The following BRD4 variants were observed in gnomAD, a reference collection of about 807,000 sequenced individuals.
BRD4 encodes bromodomain-containing protein 4.
In BRD4, 16 loss-of-function variants were observed where a neutral mutation model predicts 142.1. That is an observed-to-expected ratio of 0.11 (90% CI 0.08 to 0.17). The LOEUF is 0.17. Ranked by LOEUF, BRD4 falls within the 10% of genes least tolerant of loss-of-function variation. The pLI, the probability that BRD4 is intolerant of heterozygous loss-of-function variation, is 1.00. For synonymous variants in BRD4, 833 were observed against 707.5 expected (o/e 1.18, Z -2.82); for missense variants, 1,424 against 1,810.9 (o/e 0.79, Z 3.88).
At chr19:15,277,619 C>CAAAA (rs67961221) in intron 1 of BRD4, among the ~76,000 whole-genome samples, 29 of 96,016 alleles carry the variant, frequency 3.0e-4, no homozygotes, top group Non-Finnish European at 4.9e-4. Flanking sequence ...CTATCTCTAC[C>CAAAA]AAAAAAAAAA....
intron 2 of BRD4, among the ~76,000 whole-genome samples, chr19:15,270,959 C>T (rs753685897): frequency 4.1e-4 from 63 of 152,224 alleles, no homozygotes; most frequent in Non-Finnish European, 4.6e-4. Flanking sequence ...CTAATGAGGG[C>T]GACGTCAACA....
At chr19:15,269,097 C>T (rs568167445) in intron 2 of BRD4, 55 bp from the exon 3 acceptor site, 120 of 1,602,244 alleles carry the variant, frequency 7.5e-5, no homozygotes, top group Admixed American at 6.8e-4. Flanking sequence ...GCAGCACAAA[C>T]GCTGGGCTGG....
At chr19:15,295,843 C>T (rs1202408444) in intron 1 of BRD4, among the ~76,000 whole-genome samples, 7 of 152,172 alleles carry the variant, frequency 4.6e-5, no homozygotes, top group South Asian at 4.1e-4. Flanking sequence ...TAGTGGCACA[C>T]GCCTGTAATC....
intron 1 of BRD4, chr19:15,331,748 C>G (rs1459725093): frequency 6.6e-6 from 1 of 151,390 alleles, no homozygotes; most frequent in Admixed American, 6.6e-5. Flanking sequence ...CCGGCCCCGG[C>G]CCACGTGAGC....
At chr19:15,301,140 C>T (rs1340472445) in intron 1 of BRD4, among the ~76,000 whole-genome samples, 2 of 152,202 alleles carry the variant, frequency 1.3e-5, no homozygotes, top group Non-Finnish European at 2.9e-5. Context: ...AGTCAGATGA[C>T]TCTAATAAAC....
At chr19:15,250,392 A>C (rs2047331583) in intron 11 of BRD4, among the ~76,000 whole-genome samples, 1 of 152,208 alleles carries the variant, frequency 6.6e-6, no homozygotes. Context: ...AGTCCCTCAA[A>C]GACCCTGGGG....
chr19:15,319,778 A>T (rs1362789787), intron 1 of BRD4, among the ~76,000 whole-genome samples: 1 of 152,072 alleles, frequency 6.6e-6, no homozygotes. Flanking sequence ...CTACAAAAAA[A>T]TACCAAAATT....
intron 1 of BRD4, among the ~76,000 whole-genome samples, chr19:15,288,361 C>G (rs1194610473): frequency 1.3e-5 from 2 of 152,174 alleles, no homozygotes. Flanking sequence ...GAGCTATGAT[C>G]TGCCCTCCAG....
chr19:15,236,042 G>T lies in BRD4; in HGVS notation c.*2335C>A, dbSNP rs1414691546. 1 of 152,260 alleles carries T rather than the reference G, an allele frequency of 6.6e-6. No individual in the cohort carries two copies. The highest frequency in any genetic ancestry group is 2.4e-5 in the African/African-American group (1 of 41,460). The allele number at this position is 152,260 out of a possible 1,614,324, so 9.4% of individuals were successfully genotyped here. ...CACAGTGGTATATGAGAAAGTGCCT[G>T]AGTGGGCATGGACATCGAAGAAGTG... On this transcript the variant is annotated 3_prime_UTR_variant, in exon 20 of 20. Transcript: ENST00000679869.
chr19:15,240,917 C>T (rs1341308483), intron 14 of BRD4, among the ~76,000 whole-genome samples: 1 of 152,212 alleles, frequency 6.6e-6, no homozygotes, highest in Non-Finnish European at 1.5e-5. Flanking sequence ...TAGCCTCATG[C>T]CCATCTCCTT....
intron 1 of BRD4, among the ~76,000 whole-genome samples, chr19:15,274,480 T>C (rs543307785): frequency 6.6e-6 from 1 of 152,150 alleles, no homozygotes; most frequent in African/African-American, 2.4e-5. Flanking sequence ...TATGATTAGA[T>C]TTCTCCTAGA....
Position 15,264,704 on chromosome 19 carries a change from G to A in BRD4, c.912C>T (p.His304=), listed in dbSNP as rs552649817. ...GCTCCGGGGGCAGCGAGGGTGGCTC[G>A]TGAATGGGGTCAATGGTGGTGGGGG... The part of the protein sequence containing the change: ...TTTPTTIDPI[H]EPPSLPPEPK... The change falls in exon 6 of 20, where the codon CAC becomes CAT. Residue 304 remains histidine, a synonymous_variant. Coordinates refer to ENST00000679869, the MANE Select transcript of BRD4 (RefSeq NM_001379291.1). The A allele has an allele frequency of 7.4e-6, 12 of 1,613,142 alleles. No homozygotes were observed. Among genetic ancestry groups the A allele is most frequent in the Admixed American group, 5.0e-5 (3 of 60,024 alleles).
intron 11 of BRD4, 94 bp from the exon 12 acceptor site, chr19:15,244,856 G>A (rs968734488): frequency 1.3e-6 from 2 of 1,599,820 alleles, no homozygotes; most frequent in African/African-American, 2.7e-5. Flanking sequence ...GGCACTTTCA[G>A]GAGAAGGACC....
rs569406141 is a variant in BRD4 at position 15,244,224 on chromosome 19, G to A, written c.2581+7C>T. On this transcript the variant is annotated splice_region_variant and intron_variant, in intron 13 of 19. Coordinates refer to ENST00000679869, the MANE Select transcript of BRD4 (RefSeq NM_001379291.1). The stretch of plus-strand genomic sequence containing the variant: ...CTCAACCCACACTGGGGCAGGCCAC[G>A]GCTCACCTGGAGGAGAGACCACTGC... The A allele has an allele frequency of 1.0e-5, 16 of 1,553,104 alleles. No individual in the cohort carries two copies. The highest frequency in any genetic ancestry group is 9.5e-5 in the East Asian group (4 of 41,888).
intron 7 of BRD4, 99 bp downstream of exon 7, chr19:15,263,321 G>C (rs939707599): frequency 9.2e-6 from 13 of 1,414,842 alleles, no homozygotes; most frequent in Non-Finnish European, 1.2e-5. Flanking sequence ...CCCAAGGAAA[G>C]TGACAGAAAA....
chr19:15,245,824 G>C (rs879672957), intron 11 of BRD4, among the ~76,000 whole-genome samples: 21 of 152,226 alleles, frequency 1.4e-4, no homozygotes, highest in Admixed American at 5.9e-4. Flanking sequence ...GCACTGCCTG[G>C]CTTCGCCTGA....
At chr19:15,312,493 G>A (rs201845510) in intron 1 of BRD4, among the ~76,000 whole-genome samples, 4 of 152,260 alleles carry the variant, frequency 2.6e-5, no homozygotes, top group South Asian at 4.1e-4. Flanking sequence ...TTAGCTGGGC[G>A]TGGTGGTGTG....
chr19:15,319,095 G>A (rs1423593804), intron 1 of BRD4, among the ~76,000 whole-genome samples: 1 of 152,198 alleles, frequency 6.6e-6, no homozygotes, highest in Non-Finnish European at 1.5e-5. Context: ...CAGTCTGGGA[G>A]ACAAAGAAGG....
At chr19:15,262,070 C>G (rs1343904150) in intron 7 of BRD4, among the ~76,000 whole-genome samples, 1 of 152,180 alleles carries the variant, frequency 6.6e-6, no homozygotes, top group Non-Finnish European at 1.5e-5. Context: ...CCCTGATCCA[C>G]AGAGAATAGG....
Sources: allele counts gnomAD v4.1 joint callset (sites outside exome capture counted in the v4.1 genomes callset), GRCh38; gene constraint gnomAD v4.1.1; transcripts MANE v1.5; gene names NCBI Gene and HGNC (gene_info 2026-07-23, HGNC 2026-07-21).